The following RAF1 variants were observed in gnomAD, a reference collection of about 807,000 sequenced individuals.
RAF1 encodes the protein Raf-1 proto-oncogene, serine/threonine kinase.
In RAF1, 27 loss-of-function variants were observed where a neutral mutation model predicts 81.1. That is an observed-to-expected ratio of 0.33 (90% CI 0.25 to 0.46). The LOEUF (loss-of-function observed/expected upper bound fraction) is 0.46. Ranked by LOEUF, RAF1 falls within the 20% of genes least tolerant of loss-of-function variation. The pLI is 1.00. For missense variants in RAF1, 598 were observed against 826.0 expected (o/e 0.72, Z 3.38); for synonymous variants, 298 against 294.0 (o/e 1.01, Z -0.14).
At chr3:12,591,099 T>A in intron 12 of RAF1, 125 bp from the exon 12 acceptor site, 1 of 876,516 alleles carries the variant, frequency 1.1e-6, no homozygotes, top group Non-Finnish European at 1.7e-6. Flanking sequence ...CCACCCCCAG[T>A]CCCAAAAACA....
At chr3:12,592,467 G>C (rs1559409831) in intron 11 of RAF1, among the ~76,000 whole-genome samples, 1 of 152,246 alleles carries the variant, frequency 6.6e-6, no homozygotes, top group African/African-American at 2.4e-5. Context: ...TTTTATCTCT[G>C]TTAATCCTCA....
chr3:12,601,699 C>A (rs2058868025), intron 8 of RAF1, among the ~76,000 whole-genome samples: 1 of 151,984 alleles, frequency 6.6e-6, no homozygotes, highest in African/African-American at 2.4e-5. Context: ...TAAAAAGAAT[C>A]AAACCAAGCT....
intron 1 of RAF1, among the ~76,000 whole-genome samples, chr3:12,630,080 G>T (rs1293712583): frequency 6.6e-6 from 1 of 152,196 alleles, no homozygotes; most frequent in Non-Finnish European, 1.5e-5. Context: ...ACTACACCTG[G>T]CCTAATTATA....
chr3:12,598,290 C>T (rs977778972), intron 11 of RAF1, among the ~76,000 whole-genome samples: 1 of 152,010 alleles, frequency 6.6e-6, no homozygotes, highest in African/African-American at 2.4e-5. Flanking sequence ...GGATGACAGG[C>T]GTGAGCCACC....
intron 1 of RAF1, among the ~76,000 whole-genome samples, chr3:12,623,922 T>A (rs1575609779): frequency 6.6e-6 from 1 of 151,626 alleles, no homozygotes; most frequent in East Asian, 1.9e-4. Context: ...TGGCGCGATC[T>A]TGGCTCACTG....
At chr3:12,629,446 T>C (rs74568136) in intron 1 of RAF1, among the ~76,000 whole-genome samples, 2,915 of 152,308 alleles carry the variant, frequency 0.019, 92 homozygotes, top group African/African-American at 0.066. Flanking sequence ...GCTAATGTAT[T>C]AGCTAATACA....
chr3:12,618,976 T>C (rs2125454750), intron 1 of RAF1, among the ~76,000 whole-genome samples: 1 of 152,330 alleles, frequency 6.6e-6, no homozygotes, highest in African/African-American at 2.4e-5. Context: ...CGGGGCACGG[T>C]GGCTCACGCC....
In RAF1 at chr3:12,598,010, C is replaced by CTT. The variant is rs138096604; in HGVS notation, c.1168+1679_1168+1680dup. Among the ~76,000 whole-genome samples the CTT allele has an allele frequency of 6.2e-5, 4 of 64,338 alleles. No homozygotes were observed. The South Asian group carries it at 1.0e-3, about 16-fold the overall frequency. 42.2% of individuals were successfully genotyped at this position (64,338 alleles called of 152,430 possible). A position where few individuals can be genotyped will look rare whatever the true frequency, so the allele number is the denominator to read the frequency against. ...ACATACTAGATGCAATTTTCTTTTC[C>CTT]TTTTTTTTTTTTTTTCTGAGACAGG... is the stretch of plus-strand genomic sequence containing the variant. On this transcript the variant is annotated intron_variant, in intron 11 of 17. Transcript: ENST00000442415.
At chr3:12,634,153 CT>C (rs71063851) in intron 1 of RAF1, among the ~76,000 whole-genome samples, 84,935 of 141,346 alleles carry the variant, frequency 0.6, 25,598 homozygotes, top group East Asian at 0.91. Flanking sequence ...TCCTTTCTCT[CT>C]TTTTTTTTTT....
intron 11 of RAF1, among the ~76,000 whole-genome samples, chr3:12,598,725 C>CAAAAAAAAAAAAAAAAAAAAAAAAAAAAA (rs59472802): frequency 9.7e-5 from 6 of 61,994 alleles, no homozygotes; most frequent in Non-Finnish European, 1.6e-4. Flanking sequence ...GAATCTATCT[C>CAAAAAAAAAAAAAAAAAAAAAAAAAAAAA]AAAAAAAAAA....
intron 1 of RAF1, among the ~76,000 whole-genome samples, chr3:12,660,024 A>AT (rs2060826367): frequency 1.3e-5 from 2 of 152,158 alleles, no homozygotes; most frequent in South Asian, 4.1e-4. Context: ...TATCAATTAT[A>AT]TTTTTTATTT....
At chr3:12,596,637 G>C (rs971588249) in intron 11 of RAF1, among the ~76,000 whole-genome samples, 14 of 152,168 alleles carry the variant, frequency 9.2e-5, no homozygotes, top group Admixed American at 8.5e-4. Context: ...TTCCATAAGT[G>C]GGTGGGCTGA....
In RAF1 at chr3:12,600,200, TGCTGGCACGGGG is replaced by T; in HGVS notation, c.990_1001del (p.Pro331_Ala334del). On this transcript the variant is annotated inframe_deletion, in exon 10 of 18. Coordinates refer to ENST00000442415, the MANE Select transcript of RAF1 (RefSeq NM_001354689.3). ...CAGATACTGGTGCCCGCTCTCTTTG[TGCTGGCACGGGG>T]GTTTTCGGCTGTGACCAGCCTGTTG... 3 of 1,614,224 alleles carry T rather than the reference TGCTGGCACGGGG, an allele frequency of 1.9e-6. No homozygotes were observed. Among genetic ancestry groups the T allele is most frequent in the Non-Finnish European group, 1.7e-6 (2 of 1,180,036 alleles).
Position 12,663,898 on chromosome 3 carries a change from G to C in RAF1, c.-112C>G, listed in dbSNP as rs2060966332. Reference sequence around the variant, plus strand: ...CCTCCCCGCGGCGGGTGAGGGAGCGGGAGGCGGTCACATTCGGCGCGTCCC... The same window carrying C: ...CCTCCCCGCGGCGGGTGAGGGAGCGCGAGGCGGTCACATTCGGCGCGTCCC... On this transcript the variant is annotated 5_prime_UTR_variant, in exon 1 of 18. Transcript: ENST00000442415. The C allele has an allele frequency of 2.5e-6, 1 of 398,088 alleles. No homozygotes were observed. The highest frequency in any genetic ancestry group is 2.1e-5 in the African/African-American group (1 of 48,602). 24.7% of individuals were successfully genotyped at this position (398,088 alleles called of 1,614,324 possible).
At position 12,584,987 on chromosome 3, in the gene RAF1, G is replaced by T; in HGVS notation, c.1729-6C>A. ...CGGCCCACCATGAAGATGATCTAAG[G>T]GAAAGAAAACAGCTGAGCTAATGGG... On this transcript the variant is annotated splice_polypyrimidine_tract_variant and splice_region_variant and intron_variant, in intron 16 of 17. Coordinates refer to ENST00000442415, the MANE Select transcript of RAF1 (RefSeq NM_001354689.3). The T allele has an allele frequency of 6.2e-7, 1 of 1,614,108 alleles. No homozygotes were observed. Among genetic ancestry groups the T allele is most frequent in the Non-Finnish European group, 8.5e-7 (1 of 1,180,020 alleles).
Position 12,608,813 on chromosome 3 carries a change from G to T in RAF1, c.534C>A (p.Thr178=), listed in dbSNP as rs1553614692. 1.9e-6 allele frequency: 3 copies of T among 1,614,124 alleles called. No homozygotes were observed. Among genetic ancestry groups the T allele is most frequent in the Non-Finnish European group, 2.5e-6 (3 of 1,180,010 alleles). ...AGTCCACACACATAGTAGGTACTTT[G>T]GTGCTACAGTGCTCATGAAATTTGT... Residue 178 remains threonine (T), a synonymous_variant, in exon 5 of 18, where the codon ACC becomes ACA. Transcript: ENST00000442415.
intron 4 of RAF1, 126 bp from the exon 5 acceptor site, chr3:12,609,049 T>A (rs5746203): frequency 2.5e-6 from 3 of 1,184,748 alleles, no homozygotes; most frequent in African/African-American, 1.5e-5. Context: ...ACAGAATTCA[T>A]AATCACAAAT....
chr3:12,618,659 C>T lies in RAF1; in HGVS notation c.63G>A (p.Val21=), dbSNP rs377377296. The T allele has an allele frequency of 3.1e-6, 5 of 1,614,110 alleles. No individual in the cohort carries two copies. The African/African-American group carries it at 6.7e-5, about 22-fold the overall frequency. The change falls in exon 2 of 18, where the codon GTG becomes GTA. Residue 21 remains valine (V), a synonymous_variant. Transcript: ENST00000442415. ...GAGAGATGCAGCTGGAGCCATCAAA[C>T]ACGGCATCTTTGAATCCAAAACCAT...
At chr3:12,608,053 G>GTT (rs1427669627) in intron 5 of RAF1, among the ~76,000 whole-genome samples, 4 of 150,450 alleles carry the variant, frequency 2.7e-5, no homozygotes, top group Non-Finnish European at 5.9e-5. Context: ...AAATCAATAC[G>GTT]TAAGTGACCA....
Sources: gnomAD v4.1 joint callset for allele counts (sites outside exome capture counted in the v4.1 genomes callset) on GRCh38, gnomAD v4.1.1 for gene constraint, MANE v1.5 for transcripts, NCBI Gene and HGNC (gene_info 2026-07-23, HGNC 2026-07-21) for gene names.